NAV2: variants seen among roughly 807,000 people sequenced by gnomAD.
The protein encoded by NAV2 is helicase, APC down-regulated 1.
In NAV2, 54 loss-of-function variants were observed where a neutral mutation model predicts 223.2. That is an observed-to-expected ratio of 0.24 (90% CI 0.19 to 0.30). The LOEUF is 0.30. Among genes scored for constraint, NAV2 ranks in the 10% least tolerant of loss-of-function variants. The pLI is 1.00. For missense variants in NAV2, 2,806 were observed against 3,147.5 expected (o/e 0.89, Z 2.60); for synonymous variants, 1,279 against 1,239.3 (o/e 1.03, Z -0.67).
intron 1 of NAV2, among the ~76,000 whole-genome samples, chr11:19,754,107 T>C (rs999551758): frequency 6.6e-6 from 1 of 152,220 alleles, no homozygotes; most frequent in African/African-American, 2.4e-5. Flanking sequence ...CTTTCCCCTC[T>C]GTCCCTTTTG....
chr11:19,899,587 A>G lies in NAV2; in HGVS notation c.931+6993A>G, dbSNP rs146353812. Among the ~76,000 whole-genome samples the G allele has an allele frequency of 3.3e-5, 5 of 152,326 alleles. No individual in the cohort carries two copies. In the East Asian group the frequency reaches 9.7e-4, roughly 29 times the overall value. ...CACTGGACTGGTTGTCGTGACAGGC[A>G]GAATTGAGACACAGACTCTGCTTCC... On this transcript the variant is annotated intron_variant, in intron 6 of 37. Coordinates refer to ENST00000349880, the MANE Select transcript of NAV2 (RefSeq NM_145117.5).
At position 20,114,252 on chromosome 11, in the gene NAV2, C is replaced by G. The variant is rs1024964514; in HGVS notation, c.6961-340C>G. The G allele has an allele frequency of 4.4e-5, 15 of 343,218 alleles. No homozygotes were observed. The Admixed American group carries it at 5.8e-4, about 13-fold the overall frequency. The allele number at this position is 343,218 out of a possible 1,614,324, so 21.3% of individuals were successfully genotyped here. On this transcript the variant is annotated intron_variant, in intron 36 of 37. Coordinates refer to ENST00000349880, the MANE Select transcript of NAV2 (RefSeq NM_145117.5). ...ATGGATGTTGGCAAATGCTTCAAAT[C>G]AGGTCATTGTTTTTCCCCAAAAGCC...
chr11:19,566,787 C>G (rs1179810996), intron 1 of NAV2, among the ~76,000 whole-genome samples: 1 of 152,172 alleles, frequency 6.6e-6, no homozygotes, highest in Non-Finnish European at 1.5e-5. Flanking sequence ...GTCCAGCATC[C>G]AGGGAAACTA....
intron 1 of NAV2, among the ~76,000 whole-genome samples, chr11:19,383,194 T>A (rs1848909817): frequency 6.6e-6 from 1 of 152,204 alleles, no homozygotes; most frequent in South Asian, 2.1e-4. Flanking sequence ...ACACCCCTGC[T>A]TCCTTTACAG....
chr11:20,049,415 G>T, intron 15 of NAV2: 1 of 556,832 alleles, frequency 1.8e-6, no homozygotes, highest in Non-Finnish European at 3.1e-6. Flanking sequence ...GCTTGGAGCT[G>T]CTCAGTCTCT....
At chr11:19,674,135 T>A (rs1382140774) in intron 1 of NAV2, among the ~76,000 whole-genome samples, 1 of 152,204 alleles carries the variant, frequency 6.6e-6, no homozygotes, top group Admixed American at 6.5e-5. Context: ...ATCAGGCTAT[T>A]CCTCTGCGCT....
intron 1 of NAV2, among the ~76,000 whole-genome samples, chr11:19,696,311 C>T (rs1408733676): frequency 6.6e-6 from 1 of 152,250 alleles, no homozygotes; most frequent in Non-Finnish European, 1.5e-5. Context: ...GTGCATTTGT[C>T]CATTTCAAGT....
At chr11:19,945,168 T>TGTC (rs1591365319) in intron 8 of NAV2, among the ~76,000 whole-genome samples, 9 of 46,996 alleles carry the variant, frequency 1.9e-4, no homozygotes, top group Admixed American at 8.8e-4. Context: ...TTCCCTTCCC[T>TGTC]TCCCTTCCCT....
At chr11:19,563,042 A>C (rs1208552733) in intron 1 of NAV2, among the ~76,000 whole-genome samples, 1 of 151,260 alleles carries the variant, frequency 6.6e-6, no homozygotes, top group Non-Finnish European at 1.5e-5. Flanking sequence ...ATCTGGACCT[A>C]TCAGAAAGCA....
intron 1 of NAV2, among the ~76,000 whole-genome samples, chr11:19,796,316 C>T (rs1253515207): frequency 6.6e-6 from 1 of 152,154 alleles, no homozygotes; most frequent in Non-Finnish European, 1.5e-5. Flanking sequence ...ATTATTACAG[C>T]AAGAAAGAGG....
chr11:19,980,007 A>G (rs1406515863), intron 10 of NAV2, among the ~76,000 whole-genome samples: 1 of 152,206 alleles, frequency 6.6e-6, no homozygotes, highest in Non-Finnish European at 1.5e-5. Context: ...GTACCCAGTG[A>G]GCATTTAGTA....
At chr11:19,520,243 T>G (rs2043603397) in intron 1 of NAV2, among the ~76,000 whole-genome samples, 1 of 152,224 alleles carries the variant, frequency 6.6e-6, no homozygotes, top group Non-Finnish European at 1.5e-5. Flanking sequence ...CTCATGGGCA[T>G]TTTACTAGAC....
intron 1 of NAV2, among the ~76,000 whole-genome samples, chr11:19,700,518 A>G (rs1279813109): frequency 1.3e-5 from 2 of 152,222 alleles, no homozygotes; most frequent in Non-Finnish European, 2.9e-5. Context: ...AACATCTGTG[A>G]GACTCTACTT....
chr11:19,578,795 G>T (rs1164840232), intron 1 of NAV2, among the ~76,000 whole-genome samples: 1 of 152,188 alleles, frequency 6.6e-6, no homozygotes, highest in Non-Finnish European at 1.5e-5. Context: ...TTGAGCAGTT[G>T]TCATGCAGAG....
intron 1 of NAV2, among the ~76,000 whole-genome samples, chr11:19,409,157 T>C (rs187018236): frequency 6.6e-6 from 1 of 152,180 alleles, no homozygotes. Flanking sequence ...GCCCACCCCA[T>C]GTCAGCCAAG....
intron 1 of NAV2, among the ~76,000 whole-genome samples, chr11:19,351,228 GA>G (rs1490981742): frequency 3.9e-5 from 6 of 151,998 alleles, no homozygotes; most frequent in South Asian, 2.1e-4. Flanking sequence ...AAAGAAAAGG[GA>G]AAAAAAATTC....
At chr11:19,902,566 T>G (rs2042535996) in intron 6 of NAV2, among the ~76,000 whole-genome samples, 2 of 152,208 alleles carry the variant, frequency 1.3e-5, no homozygotes, top group South Asian at 4.1e-4. Flanking sequence ...TCTCAGGAAT[T>G]GAAAATGACT....
chr11:19,832,623 G>T (rs774950736), intron 2 of NAV2, 22 bp downstream of exon 2: 5 of 1,595,736 alleles, frequency 3.1e-6, no homozygotes, highest in South Asian at 2.2e-5. Flanking sequence ...TTTTACCTTG[G>T]GGGTAATGAG....
chr11:20,106,221 ATATATATATG>A (rs1475055705), intron 35 of NAV2, among the ~76,000 whole-genome samples: 3 of 103,660 alleles, frequency 2.9e-5, no homozygotes, highest in African/African-American at 7.2e-5. Flanking sequence ...ATATATATAT[ATATATATATG>A]CTTTATGAAG....
Sources: gnomAD v4.1 joint callset for allele counts (sites outside exome capture counted in the v4.1 genomes callset) on GRCh38, gnomAD v4.1.1 for gene constraint, MANE v1.5 for transcripts, NCBI Gene and HGNC (gene_info 2026-07-23, HGNC 2026-07-21) for gene names.